CTNNA3: variants seen among roughly 807,000 people sequenced by gnomAD.
CTNNA3 encodes catenin alpha-3.
Under a neutral mutation model 95.7 loss-of-function variants are expected in CTNNA3, and 76 were observed. The ratio of observed to expected loss-of-function variants is 0.79; its 90% CI spans 0.66 to 0.96. The LOEUF is 0.96. CTNNA3 is among the 40% of genes least tolerant of loss of function. The probability of loss-of-function intolerance (pLI) is 0.00; values close to 1 mark genes in which losing one functional copy is unlikely to be tolerated. For missense variants in CTNNA3, 1,191 were observed against 1,089.8 expected (o/e 1.09, Z -1.31); for synonymous variants, 431 against 374.4 (o/e 1.15, Z -1.74).
intron 7 of CTNNA3, chr10:67,054,528 T>G (rs1410365814): frequency 2.0e-5 from 3 of 152,146 alleles, no homozygotes; most frequent in African/African-American, 7.2e-5. Flanking sequence ...CTTTTTAAAG[T>G]AAATGCTTGG....
intron 5 of CTNNA3, among the ~76,000 whole-genome samples, chr10:67,243,224 G>A (rs1865781132): frequency 6.6e-6 from 1 of 151,952 alleles, no homozygotes; most frequent in East Asian, 1.9e-4. Flanking sequence ...CTAATATTCA[G>A]CTGATCAAAA....
chr10:65,970,170 C>T (rs994565120), intron 16 of CTNNA3, among the ~76,000 whole-genome samples: 1 of 152,176 alleles, frequency 6.6e-6, no homozygotes, highest in East Asian at 1.9e-4. Flanking sequence ...CATATCCCAC[C>T]AGGCTAAGCT....
intron 7 of CTNNA3, among the ~76,000 whole-genome samples, chr10:66,823,888 G>A (rs1028554195): frequency 6.6e-6 from 1 of 152,028 alleles, no homozygotes; most frequent in South Asian, 2.1e-4. Flanking sequence ...ACCATCCACG[G>A]GTAAAATATT....
intron 7 of CTNNA3, among the ~76,000 whole-genome samples, chr10:67,104,179 T>C (rs1731788954): frequency 6.6e-6 from 1 of 151,716 alleles, no homozygotes; most frequent in Non-Finnish European, 1.5e-5. Context: ...GGATGAATGG[T>C]CAATAAAGTC....
At chr10:66,799,014 T>A (rs141309318) in intron 7 of CTNNA3, among the ~76,000 whole-genome samples, 2 of 151,642 alleles carry the variant, frequency 1.3e-5, no homozygotes, top group Non-Finnish European at 3.0e-5. Flanking sequence ...TTTCTTTGCA[T>A]GTAGAGTAAA....
At chr10:66,275,159 C>T (rs2091366011) in intron 13 of CTNNA3, among the ~76,000 whole-genome samples, 1 of 151,914 alleles carries the variant, frequency 6.6e-6, no homozygotes, top group South Asian at 2.1e-4. Context: ...GCTCTGTCAC[C>T]CAGTCTGGAG....
intron 7 of CTNNA3, among the ~76,000 whole-genome samples, chr10:66,815,400 A>G (rs753612318): frequency 2.6e-5 from 4 of 152,134 alleles, no homozygotes; most frequent in Non-Finnish European, 5.9e-5. Context: ...CCTGGCAGCC[A>G]CCAAAGGGGA....
chr10:67,426,566 A>G (rs1845930105), intron 5 of CTNNA3, among the ~76,000 whole-genome samples: 2 of 152,088 alleles, frequency 1.3e-5, no homozygotes, highest in South Asian at 4.1e-4. Context: ...ACAGAAAACC[A>G]AACACCGCAT....
At chr10:67,547,245 A>G (rs1443372366) in intron 3 of CTNNA3, among the ~76,000 whole-genome samples, 3 of 152,210 alleles carry the variant, frequency 2.0e-5, no homozygotes, top group Admixed American at 6.5e-5. Context: ...AATTCTTCAT[A>G]TGCACAATTC....
intron 3 of CTNNA3, among the ~76,000 whole-genome samples, chr10:67,559,534 TG>T (rs970928363): frequency 6.6e-6 from 1 of 151,632 alleles, no homozygotes; most frequent in Non-Finnish European, 1.5e-5. Flanking sequence ...ACCACAAAGA[TG>T]GGGAAAAAAC....
In CTNNA3 at chr10:66,597,511, CATATATATATATATATATATATAT is replaced by C. The variant is rs369390875; in HGVS notation, c.1374+24157_1374+24180del. ...GGTCAACATGGCATTTTATTTCATA[CATATATATATATATATATATATAT>C]ATATATATATATATATATATTTATT... On this transcript the variant is annotated intron_variant, in intron 10 of 17. Coordinates refer to ENST00000433211, the MANE Select transcript of CTNNA3 (RefSeq NM_013266.4). Among the ~76,000 whole-genome samples, 111 of 70,978 alleles carry C rather than the reference CATATATATATATATATATATATAT, an allele frequency of 1.6e-3. 3 individuals are homozygous for C. The highest frequency in any genetic ancestry group is 0.02 in the Middle Eastern group (2 of 100). The allele number at this position is 70,978 out of a possible 152,430, so 46.6% of individuals were successfully genotyped here. A position where few individuals can be genotyped will look rare whatever the true frequency, so the allele number is the denominator to read the frequency against.
chr10:67,079,709 G>A lies in CTNNA3; in HGVS notation c.1047+100608C>T, dbSNP rs191436424. Among the ~76,000 whole-genome samples, 11 of 152,106 alleles carry A rather than the reference G, an allele frequency of 7.2e-5. No homozygotes were observed. The East Asian group carries it at 1.2e-3, about 16-fold the overall frequency. The stretch of plus-strand genomic sequence containing the variant: ...CTAAAAATGCAAAAACTAGCCAGGC[G>A]TGGTGGCGGGCACCTGTAATCCCAG... On this transcript the variant is annotated intron_variant, in intron 7 of 17. Coordinates refer to ENST00000433211, the MANE Select transcript of CTNNA3 (RefSeq NM_013266.4).
chr10:67,219,874 A>G lies in CTNNA3; in HGVS notation c.580-4T>C. On this transcript the variant is annotated splice_region_variant and splice_polypyrimidine_tract_variant and intron_variant, in intron 5 of 17. Transcript: ENST00000433211. ...TCTGATTTGGAGATTTTAAGTCCTG[A>G]GAAGGTAAATAAAAAGAGTGGTATC... 6.2e-7 allele frequency: 1 copy of G among 1,600,350 alleles called. No individual in the cohort carries two copies. The highest frequency in any genetic ancestry group is 8.5e-7 in the Non-Finnish European group (1 of 1,171,050).
intron 5 of CTNNA3, among the ~76,000 whole-genome samples, chr10:67,270,941 A>G (rs1307208323): frequency 2.6e-5 from 4 of 152,196 alleles, no homozygotes; most frequent in Non-Finnish European, 4.4e-5. Flanking sequence ...AAATGAACCT[A>G]TATCAGTTTC....
chr10:66,218,302 A>T (rs1397945399), intron 13 of CTNNA3, among the ~76,000 whole-genome samples: 1 of 151,902 alleles, frequency 6.6e-6, no homozygotes, highest in Non-Finnish European at 1.5e-5. Context: ...CCCCTCCCAC[A>T]TTTTTCTAGG....
chr10:66,405,930 C>T (rs1298542792), intron 11 of CTNNA3, among the ~76,000 whole-genome samples: 1 of 152,122 alleles, frequency 6.6e-6, no homozygotes, highest in Non-Finnish European at 1.5e-5. Context: ...TGGAAATAGT[C>T]ATATTTTGAA....
intron 7 of CTNNA3, among the ~76,000 whole-genome samples, chr10:66,862,915 C>T (rs7082984): frequency 0.036 from 5,426 of 152,080 alleles, 322 homozygotes; most frequent in African/African-American, 0.12. Context: ...CTGCCCTTTC[C>T]CAAAGTAAGG....
intron 5 of CTNNA3, among the ~76,000 whole-genome samples, chr10:67,517,948 G>A (rs753720555): frequency 6.6e-6 from 1 of 152,096 alleles, no homozygotes; most frequent in Non-Finnish European, 1.5e-5. Context: ...AATGGCTTAT[G>A]AGAATAACAG....
chr10:66,621,237 G>A (rs898181096), intron 10 of CTNNA3, among the ~76,000 whole-genome samples: 3 of 152,068 alleles, frequency 2.0e-5, no homozygotes, highest in Non-Finnish European at 1.5e-5. Context: ...TTTGCCTCAG[G>A]AGATTCCAAT....
Sources: allele counts gnomAD v4.1 joint callset (sites outside exome capture counted in the v4.1 genomes callset), GRCh38; gene constraint gnomAD v4.1.1; transcripts MANE v1.5; gene names NCBI Gene and HGNC (gene_info 2026-07-23, HGNC 2026-07-21).